The following USH2A variants were observed in gnomAD, a reference collection of about 807,000 sequenced individuals.
USH2A encodes the protein usherin.
Under a neutral mutation model 538.9 loss-of-function variants are expected in USH2A, and 443 were observed. The ratio of observed to expected loss-of-function variants is 0.82; its 90% CI spans 0.76 to 0.89. The LOEUF (loss-of-function observed/expected upper bound fraction) is 0.89. Among genes scored for constraint, USH2A ranks in the 40% least tolerant of loss-of-function variants. The probability of loss-of-function intolerance (pLI) is 0.00; values close to 1 mark genes in which losing one functional copy is unlikely to be tolerated. For missense variants in USH2A, 6,633 were observed against 6,324.8 expected (o/e 1.05, Z -1.65); for synonymous variants, 2,413 against 2,273.5 (o/e 1.06, Z -1.75).
intron 22 of USH2A, among the ~76,000 whole-genome samples, chr1:216,090,153 C>T (rs1227252072): frequency 6.6e-6 from 1 of 151,496 alleles, no homozygotes; most frequent in Non-Finnish European, 1.5e-5. Flanking sequence ...TACCAAAACA[C>T]TTAATTACCA....
intron 64 of USH2A, among the ~76,000 whole-genome samples, chr1:215,657,443 G>T (rs982456199): frequency 6.6e-6 from 1 of 152,190 alleles, no homozygotes; most frequent in African/African-American, 2.4e-5. Flanking sequence ...AGCCCTGCAG[G>T]CTCCAGTTAT....
chr1:215,879,007 G>A lies in USH2A; in HGVS notation c.8315C>T (p.Thr2772Ile), dbSNP rs150807452. 1.9e-4 allele frequency: 305 copies of A among 1,614,034 alleles called. No individual in the cohort carries two copies. The African/African-American group carries it at 3.7e-3, about 20-fold the overall frequency. The change falls in exon 42 of 72, where the codon ACT (threonine) becomes ATT (isoleucine). Residue 2772 changes from threonine to isoleucine, a missense_variant. Physicochemically the swap from Thr to Ile is moderately conservative, Grantham distance 89. Transcript: ENST00000307340. ...AACTTTTTGACTTAACACTGCGGAA[G>A]TCACATTGGTTAAAGTGATGTGAGG... is the stretch of plus-strand genomic sequence containing the variant. Reference protein sequence around the residue: ...PDPHITLTNVTSAVLSQKVTH... With the variant: ...PDPHITLTNVISAVLSQKVTH...
intron 58 of USH2A, among the ~76,000 whole-genome samples, chr1:215,747,507 T>C (rs1434249952): frequency 6.6e-6 from 1 of 152,148 alleles, no homozygotes; most frequent in African/African-American, 2.4e-5. Context: ...ATAAGGAGAA[T>C]TGATTATAGA....
intron 27 of USH2A, among the ~76,000 whole-genome samples, chr1:216,074,286 C>A (rs1356170757): frequency 6.6e-6 from 1 of 150,952 alleles, no homozygotes; most frequent in East Asian, 1.9e-4. Flanking sequence ...GAAATTGGGA[C>A]AAACAGGACC....
In USH2A at chr1:215,634,460, A is replaced by G. The variant is rs1354121130; in HGVS notation, c.15296T>C (p.Met5099Thr). The change falls in exon 70 of 72, where the codon ATG becomes ACG. Residue 5099 changes from methionine (M) to threonine (T), a missense_variant and splice_region_variant. Coordinates refer to ENST00000307340, the MANE Select transcript of USH2A (RefSeq NM_206933.4). ...LNVYPPGENH[M>T]GLADTKIPRS... Reference sequence around the variant, plus strand: ...GGGGCCACACCTCTACAAACATACCATATGGTTTTCCCCCGGTGGGTAAAC... The same window carrying G: ...GGGGCCACACCTCTACAAACATACCGTATGGTTTTCCCCCGGTGGGTAAAC... 8.7e-6 allele frequency: 14 copies of G among 1,614,190 alleles called. No individual in the cohort carries two copies. The highest frequency in any genetic ancestry group is 1.1e-5 in the Non-Finnish European group (13 of 1,180,022).
intron 58 of USH2A, among the ~76,000 whole-genome samples, chr1:215,749,589 T>A (rs990383552): frequency 2.0e-5 from 3 of 152,200 alleles, no homozygotes; most frequent in Admixed American, 2.0e-4. Context: ...CTGAAATGAC[T>A]GAGCCCCCTG....
intron 9 of USH2A, among the ~76,000 whole-genome samples, chr1:216,313,253 C>T (rs1054187471): frequency 2.0e-5 from 3 of 152,158 alleles, no homozygotes; most frequent in South Asian, 4.1e-4. Flanking sequence ...CAGCTGCTCA[C>T]GTCCTACTAT....
intron 3 of USH2A, among the ~76,000 whole-genome samples, chr1:216,378,860 A>AT (rs1250351881): frequency 1.3e-5 from 2 of 151,650 alleles, no homozygotes; most frequent in Admixed American, 6.6e-5. Context: ...TATTTTTATA[A>AT]TTTTTTTTCT....
chr1:215,716,293 T>A (rs1329356669), intron 61 of USH2A, among the ~76,000 whole-genome samples: 1 of 152,278 alleles, frequency 6.6e-6, no homozygotes, highest in Non-Finnish European at 1.5e-5. Flanking sequence ...TGTTTCATAA[T>A]GAGCTATGCG....
At chr1:216,402,403 G>A (rs79524545) in intron 3 of USH2A, among the ~76,000 whole-genome samples, 5,229 of 152,022 alleles carry the variant, frequency 0.034, 122 homozygotes, top group Middle Eastern at 0.078. Context: ...AAATATAGCT[G>A]ACCTTTGAAC....
At chr1:215,668,150 T>C (rs1012535397) in intron 64 of USH2A, among the ~76,000 whole-genome samples, 1 of 152,224 alleles carries the variant, frequency 6.6e-6, no homozygotes, top group African/African-American at 2.4e-5. Context: ...CAGATTTATA[T>C]AGGACAATGA....
intron 21 of USH2A, chr1:216,174,897 G>C: frequency 9.0e-7 from 1 of 1,113,162 alleles, no homozygotes; most frequent in Non-Finnish European, 1.1e-6. Context: ...ATCTCCAATA[G>C]CATGAGGGCA....
chr1:215,850,774 A>C (rs1291945586), intron 44 of USH2A, among the ~76,000 whole-genome samples: 3 of 152,200 alleles, frequency 2.0e-5, no homozygotes, highest in Non-Finnish European at 4.4e-5. Flanking sequence ...ACATTCTCCA[A>C]GATAGTCCAT....
chr1:216,247,531 T>C (rs1056281010), intron 12 of USH2A, among the ~76,000 whole-genome samples: 3 of 152,204 alleles, frequency 2.0e-5, no homozygotes, highest in African/African-American at 7.2e-5. Flanking sequence ...TTAACAAATC[T>C]TAAAAACTAT....
chr1:215,850,320 G>A (rs10495007), intron 44 of USH2A, among the ~76,000 whole-genome samples: 22,667 of 151,778 alleles, frequency 0.15, 1,999 homozygotes, highest in African/African-American at 0.24. Flanking sequence ...AAATATAGTC[G>A]GAAGATAAAA....
chr1:215,756,076 C>T (rs563256055), intron 58 of USH2A, among the ~76,000 whole-genome samples: 24 of 152,180 alleles, frequency 1.6e-4, no homozygotes, highest in Non-Finnish European at 2.6e-4. Flanking sequence ...CAAACAATCA[C>T]CATTGGTATC....
chr1:216,397,482 T>C (rs1479697578), intron 3 of USH2A, among the ~76,000 whole-genome samples: 1 of 152,190 alleles, frequency 6.6e-6, no homozygotes, highest in East Asian at 1.9e-4. Context: ...CTACCCTCAA[T>C]GTAGGTGGGT....
At chr1:215,768,661 A>C (rs1261822019) in intron 55 of USH2A, among the ~76,000 whole-genome samples, 1 of 152,250 alleles carries the variant, frequency 6.6e-6, no homozygotes, top group African/African-American at 2.4e-5. Flanking sequence ...TATGATTACA[A>C]AATGTAAAGC....
chr1:216,110,481 A>T (rs568916150), intron 21 of USH2A, among the ~76,000 whole-genome samples: 1 of 152,368 alleles, frequency 6.6e-6, no homozygotes, highest in African/African-American at 2.4e-5. Context: ...ACAATAACTT[A>T]AAGATACATC....
Sources: gnomAD v4.1 joint callset for allele counts (sites outside exome capture counted in the v4.1 genomes callset) on GRCh38, gnomAD v4.1.1 for gene constraint, MANE v1.5 for transcripts, NCBI Gene and HGNC (gene_info 2026-07-23, HGNC 2026-07-21) for gene names.